Variants in TP53BP1 observed in about 807,000 individuals in gnomAD.
TP53BP1 encodes the protein tumor protein p53 binding protein 1.
Under a neutral mutation model 200.8 loss-of-function variants are expected in TP53BP1, and 61 were observed. The ratio of observed to expected loss-of-function variants is 0.30; its 90% confidence interval spans 0.25 to 0.38. The LOEUF (loss-of-function observed/expected upper bound fraction) is 0.38. TP53BP1 is among the 10% of genes least tolerant of loss of function. TP53BP1 has a pLI of 1.00. For missense variants in TP53BP1, 2,144 were observed against 2,371.9 expected, an observed-to-expected ratio of 0.90 and a Z score of 2.00; for synonymous variants, 822 against 844.3, an observed-to-expected ratio of 0.97 and a Z score of 0.46.
chr15:43,411,579 T>C (rs1475799581), intron 24 of TP53BP1, among the ~76,000 whole-genome samples: 5 of 152,244 alleles, frequency 3.3e-5, no homozygotes, highest in African/African-American at 9.6e-5. Flanking sequence ...CTTCTTGAGA[T>C]TGAGAAACCC....
At position 43,447,558 on chromosome 15, in the gene TP53BP1, C is replaced by T. The variant is rs1034174069; in HGVS notation, c.2717-73G>A. ...AAAAAAAACAGAAGTATAAAATAAG[C>T]AAAAATAATAAGAACTGCAAGAAAT... On this transcript the variant is annotated intron_variant, in intron 12 of 27. Coordinates refer to ENST00000382044, the MANE Select transcript of TP53BP1 (RefSeq NM_001141980.3). 17 of 1,298,794 alleles carry T rather than the reference C, an allele frequency of 1.3e-5. No individual in the cohort carries two copies. The African/African-American group carries it at 2.5e-4, about 19-fold the overall frequency. The allele number at this position is 1,298,794 out of a possible 1,614,324, so 80.5% of individuals were successfully genotyped here.
chr15:43,448,509 A>AT (rs1386586269), intron 12 of TP53BP1, among the ~76,000 whole-genome samples: 1 of 151,378 alleles, frequency 6.6e-6, no homozygotes, highest in African/African-American at 2.4e-5. Context: ...CACCGTGATA[A>AT]TTTTTTCCTT....
intron 2 of TP53BP1, 29 bp downstream of exon 2, chr15:43,492,255 C>A: frequency 6.3e-7 from 1 of 1,589,194 alleles, no homozygotes; most frequent in South Asian, 1.2e-5. Context: ...AAAATCTGCT[C>A]AATCTTCTTC....
At chr15:43,455,283 A>G (rs1566944205) in intron 12 of TP53BP1, among the ~76,000 whole-genome samples, 1 of 152,192 alleles carries the variant, frequency 6.6e-6, no homozygotes, top group African/African-American at 2.4e-5. Context: ...GTCAAAATCT[A>G]TACACAGAGA....
rs1489735129 is a variant in TP53BP1 at position 43,420,607 on chromosome 15, C to A, written c.4379G>T (p.Gly1460Val). The change falls in exon 21 of 28, where the codon GGT (glycine) becomes GTT (valine). Residue 1460 changes from glycine (G) to valine (V), a missense_variant. Gly to Val is a moderately radical substitution (Grantham distance 109, BLOSUM62 -3). Coordinates refer to ENST00000382044, the MANE Select transcript of TP53BP1 (RefSeq NM_001141980.3). ...TGGAGAGTCACTACGACGCAAAGCACCAGCACCCACATCTGTTCGTCTGGT... is the reference window on the plus strand; with the variant it reads ...TGGAGAGTCACTACGACGCAAAGCAACAGCACCCACATCTGTTCGTCTGGT... ...DSTRRTDVGA[G>V]ALRRSDSPEI... The A allele has an allele frequency of 7.4e-6, 12 of 1,614,048 alleles. No homozygotes were observed. Among genetic ancestry groups the A allele is most frequent in the Middle Eastern group, 3.3e-4 (2 of 6,084 alleles).
intron 11 of TP53BP1, among the ~76,000 whole-genome samples, chr15:43,468,095 CTT>C (rs1001405038): frequency 1.4e-5 from 2 of 146,064 alleles, no homozygotes; most frequent in Non-Finnish European, 3.0e-5. Context: ...AGATTTATAA[CTT>C]TTTTTTTTTT....
intron 11 of TP53BP1, 53 bp from the exon 12 acceptor site, chr15:43,457,271 T>C (rs2046322998): frequency 7.0e-7 from 1 of 1,421,858 alleles, no homozygotes; most frequent in African/African-American, 1.4e-5. Context: ...TCATATATCT[T>C]TTATATCGAA....
rs527791563 is a variant in TP53BP1, at chr15:43,492,527, C to A, written c.8-59G>T. 140 of 1,423,098 alleles carry A rather than the reference C, an allele frequency of 9.8e-5. No individual in the cohort carries two copies. In the African/African-American group the frequency reaches 1.8e-3, roughly 19 times the overall value. 88.2% of individuals were successfully genotyped at this position (1,423,098 alleles called of 1,614,324 possible). A position where few individuals can be genotyped will look rare whatever the true frequency, so the allele number is the denominator to read the frequency against. ...AACCTACTAGCCTTGCTCACGCAGT[C>A]TAAACCTAAATAATGGGGCGGAAGT... On this transcript the variant is annotated intron_variant, in intron 1 of 27. Transcript: ENST00000382044.
intron 1 of TP53BP1, among the ~76,000 whole-genome samples, chr15:43,508,468 T>C (rs1386239821): frequency 6.6e-6 from 1 of 152,104 alleles, no homozygotes; most frequent in East Asian, 1.9e-4. Context: ...GACCAACCTG[T>C]GCAACACACA....
At chr15:43,476,383 T>A (rs1310688282) in intron 8 of TP53BP1, among the ~76,000 whole-genome samples, 1 of 152,236 alleles carries the variant, frequency 6.6e-6, no homozygotes, top group African/African-American at 2.4e-5. Context: ...TTCCAACGTC[T>A]ACCTTAGGTG....
At chr15:43,431,616 G>A (rs2045672656) in intron 17 of TP53BP1, among the ~76,000 whole-genome samples, 1 of 152,048 alleles carries the variant, frequency 6.6e-6, no homozygotes, top group Non-Finnish European at 1.5e-5. Flanking sequence ...CTCCAGCCTC[G>A]TTTTCATCAG....
intron 18 of TP53BP1, among the ~76,000 whole-genome samples, chr15:43,424,945 C>T (rs948024772): frequency 7.2e-5 from 11 of 152,144 alleles, no homozygotes; most frequent in Admixed American, 5.9e-4. Context: ...AACGGAATTA[C>T]GAGCTAACAG....
chr15:43,420,919 G>T, intron 20 of TP53BP1, 106 bp downstream of exon 20: 1 of 1,418,436 alleles, frequency 7.1e-7, no homozygotes, highest in Admixed American at 2.1e-5. Flanking sequence ...CAGTCAGTAT[G>T]GCCCCTCTTC....
At position 43,415,812 on chromosome 15, in the gene TP53BP1, A is replaced by G. The variant is rs2045252136; in HGVS notation, c.4874-3T>C. 1 of 1,613,536 alleles carries G rather than the reference A, an allele frequency of 6.2e-7. No individual in the cohort carries two copies. The highest frequency in any genetic ancestry group is 1.3e-5 in the African/African-American group (1 of 75,018). ...CCGCTTCCCTTCCACCAAATTGTCT[A>G]TGGCAGGATAAGCCAAACAGGTTGG... On this transcript the variant is annotated splice_polypyrimidine_tract_variant and splice_region_variant and intron_variant, in intron 22 of 27. Transcript: ENST00000382044.
At chr15:43,463,119 G>C (rs2046479488) in intron 11 of TP53BP1, among the ~76,000 whole-genome samples, 1 of 152,084 alleles carries the variant, frequency 6.6e-6, no homozygotes, top group East Asian at 1.9e-4. Flanking sequence ...ACAATGTTAT[G>C]CCACCACCAC....
At position 43,493,147 on chromosome 15, in the gene TP53BP1, C is replaced by T; in HGVS notation, c.-104G>A. ...CCGCTGTCGCCACCGCCGCCACCGG[C>T]CGCGAACTCCCCCTTTCCCGTCACG... On this transcript the variant is annotated 5_prime_UTR_variant, in exon 1 of 28. Transcript: ENST00000382044. 1.3e-6 allele frequency: 2 copies of T among 1,567,948 alleles called. No homozygotes were observed. The highest frequency in any genetic ancestry group is 1.7e-6 in the Non-Finnish European group (2 of 1,162,758).
chr15:43,442,332 C>G (rs866677217), intron 14 of TP53BP1, among the ~76,000 whole-genome samples: 1 of 151,948 alleles, frequency 6.6e-6, no homozygotes, highest in African/African-American at 2.4e-5. Context: ...GTGATCCGCC[C>G]GCCTCGGTCT....
chr15:43,502,798 C>T (rs2079216242), intron 1 of TP53BP1, among the ~76,000 whole-genome samples: 1 of 150,940 alleles, frequency 6.6e-6, no homozygotes, highest in South Asian at 2.1e-4. Context: ...CTTTGTCACT[C>T]CAGCTGGAGT....
chr15:43,485,854 A>G (rs2079039961), intron 4 of TP53BP1, among the ~76,000 whole-genome samples: 1 of 152,158 alleles, frequency 6.6e-6, no homozygotes, highest in Admixed American at 6.5e-5. Context: ...TCAAAAAAGA[A>G]AAAAGAAAAT....
Sources: gnomAD v4.1 joint callset for allele counts (sites outside exome capture counted in the v4.1 genomes callset) on GRCh38, gnomAD v4.1.1 for gene constraint, MANE v1.5 for transcripts, NCBI Gene and HGNC (gene_info 2026-07-23, HGNC 2026-07-21) for gene names.